ADGRB3: variants seen among roughly 807,000 people sequenced by gnomAD.
ADGRB3 encodes the protein brain-specific angiogenesis inhibitor 3.
A neutral mutation model predicts 193.4 loss-of-function variants in ADGRB3; 37 were observed. That is an observed-to-expected ratio of 0.19 (90% CI 0.15 to 0.25). The LOEUF is 0.25. Among genes scored for constraint, ADGRB3 ranks in the 10% least tolerant of loss-of-function variants. ADGRB3 has a pLI of 1.00. For synonymous variants in ADGRB3, 690 were observed against 644.2 expected, an observed-to-expected ratio of 1.07 and a Z score of -1.08; for missense variants, 1,637 against 1,852.9, an observed-to-expected ratio of 0.88 and a Z score of 2.14.
At chr6:69,176,625 G>T (rs891128736) in intron 17 of ADGRB3, among the ~76,000 whole-genome samples, 7 of 152,132 alleles carry the variant, frequency 4.6e-5, no homozygotes, top group Middle Eastern at 3.2e-3. Context: ...TGGTGTCAGG[G>T]TGATGCTGGC....
At chr6:69,123,816 A>G (rs1464295855) in intron 17 of ADGRB3, among the ~76,000 whole-genome samples, 1 of 151,758 alleles carries the variant, frequency 6.6e-6, no homozygotes, top group Non-Finnish European at 1.5e-5. Flanking sequence ...ATGTGACCAC[A>G]GAAGAGTGAT....
rs769081359 is a variant in ADGRB3 at position 68,936,536 on chromosome 6, G to T, written c.886G>T (p.Glu296Ter). 6.2e-7 allele frequency: 1 copy of T among 1,614,002 alleles called. No individual in the cohort carries two copies. The highest frequency in any genetic ancestry group is 1.1e-5 in the South Asian group (1 of 91,046). Residue 296 changes from glutamate (E) to a stop codon, truncating the protein, a stop_gained, in exon 5 of 32, where the codon GAG becomes TAG. Transcript: ENST00000370598. LOFTEE classifies it high-confidence loss of function. ...GCACGCAGGTGAATCTGGTGTGGAA[G>T]AGTGGTCCCAGTGGAGCACATGTTC... The part of the protein sequence containing the change: ...MAQTGESGVE[E>*]WSQWSTCSVT...
chr6:68,742,373 G>GT (rs1004450639), intron 3 of ADGRB3, among the ~76,000 whole-genome samples: 46 of 149,280 alleles, frequency 3.1e-4, no homozygotes, highest in East Asian at 3.9e-4. Flanking sequence ...AACTCTTATA[G>GT]TTTTTTTTTT....
At chr6:68,759,039 C>T (rs1056465938) in intron 3 of ADGRB3, among the ~76,000 whole-genome samples, 2 of 152,110 alleles carry the variant, frequency 1.3e-5, no homozygotes, top group Non-Finnish European at 2.9e-5. Flanking sequence ...CTCTAGAGGG[C>T]TTGAAAAGCC....
intron 3 of ADGRB3, among the ~76,000 whole-genome samples, chr6:68,740,628 G>C (rs1765961511): frequency 1.3e-5 from 2 of 152,076 alleles, no homozygotes; most frequent in South Asian, 4.1e-4. Context: ...CCTTGTATGG[G>C]CCACAATGTC....
At chr6:68,804,825 C>G (rs2127372714) in intron 3 of ADGRB3, among the ~76,000 whole-genome samples, 1 of 152,164 alleles carries the variant, frequency 6.6e-6, no homozygotes, top group East Asian at 1.9e-4. Flanking sequence ...TATATCAGAT[C>G]ATTCAAATTC....
chr6:68,800,389 T>C (rs1274719358), intron 3 of ADGRB3, among the ~76,000 whole-genome samples: 1 of 152,162 alleles, frequency 6.6e-6, no homozygotes, highest in East Asian at 1.9e-4. Context: ...CAGATGTGTG[T>C]TTGACTGTCT....
chr6:69,128,999 G>T (rs1430522527), intron 17 of ADGRB3, among the ~76,000 whole-genome samples: 1 of 152,090 alleles, frequency 6.6e-6, no homozygotes, highest in East Asian at 1.9e-4. Flanking sequence ...CATGTGGTAC[G>T]CATTTTAGTA....
At chr6:68,930,192 A>G (rs1767300376) in intron 3 of ADGRB3, among the ~76,000 whole-genome samples, 1 of 152,072 alleles carries the variant, frequency 6.6e-6, no homozygotes, top group African/African-American at 2.4e-5. Context: ...TGTTTAGCAA[A>G]GAAGCAGATG....
chr6:68,808,659 C>G (rs187116004), intron 3 of ADGRB3, among the ~76,000 whole-genome samples: 150 of 151,788 alleles, frequency 9.9e-4, no homozygotes, highest in Non-Finnish European at 1.9e-3. Flanking sequence ...AAATACTACA[C>G]AAGATAACTC....
intron 3 of ADGRB3, among the ~76,000 whole-genome samples, chr6:68,815,089 G>A (rs1767602990): frequency 6.6e-6 from 1 of 152,162 alleles, no homozygotes; most frequent in Non-Finnish European, 1.5e-5. Flanking sequence ...AGACAGGGAT[G>A]CCCTCTCTCA....
intron 20 of ADGRB3, among the ~76,000 whole-genome samples, chr6:69,258,989 G>A (rs918035386): frequency 1.3e-5 from 2 of 152,060 alleles, no homozygotes; most frequent in Non-Finnish European, 2.9e-5. Context: ...CTCCTGTGTT[G>A]GTCTATTCCA....
chr6:69,230,494 A>G (rs1443782613), intron 17 of ADGRB3, among the ~76,000 whole-genome samples: 1 of 152,198 alleles, frequency 6.6e-6, no homozygotes, highest in Non-Finnish European at 1.5e-5. Flanking sequence ...TCAATCAGAC[A>G]TGTGTACCAT....
intron 20 of ADGRB3, among the ~76,000 whole-genome samples, chr6:69,316,554 A>G (rs1191688204): frequency 6.6e-6 from 1 of 151,488 alleles, no homozygotes; most frequent in Non-Finnish European, 1.5e-5. Context: ...GTTATTGTAG[A>G]ATTTTAGATC....
chr6:68,782,341 A>G (rs1360922365), intron 3 of ADGRB3, among the ~76,000 whole-genome samples: 1 of 151,670 alleles, frequency 6.6e-6, no homozygotes. Context: ...CATGGTGTAT[A>G]TGTGCCACAT....
At chr6:68,901,638 TAAC>T (rs1205327927) in intron 3 of ADGRB3, among the ~76,000 whole-genome samples, 1 of 152,212 alleles carries the variant, frequency 6.6e-6, no homozygotes, top group Admixed American at 6.5e-5. Context: ...TGTATAATTT[TAAC>T]AACTTAAATG....
At chr6:68,875,068 CTTCT>C (rs991826878) in intron 3 of ADGRB3, among the ~76,000 whole-genome samples, 27 of 138,416 alleles carry the variant, frequency 2.0e-4, no homozygotes, top group African/African-American at 6.3e-4. Context: ...CCTTTCTTTC[CTTCT>C]TTCTTTCTTC....
rs114169644 is a variant in ADGRB3, at chr6:69,160,632, C to T, written c.2481-72658C>T. 7.0e-3 allele frequency among the ~76,000 whole-genome samples: 1,071 copies of T among 152,042 alleles called. 11 individuals are homozygous for T. The highest frequency in any genetic ancestry group is 0.024 in the African/African-American group (998 of 41,472). On this transcript the variant is annotated intron_variant, in intron 17 of 31. Coordinates refer to ENST00000370598, the MANE Select transcript of ADGRB3 (RefSeq NM_001704.3). ...TATTTTTCAATTATTTCTTTTCAGG[C>T]CTTTTCTTTCCCCAGCTAGAATGTA...
chr6:68,882,573 G>A (rs1765762070), intron 3 of ADGRB3, among the ~76,000 whole-genome samples: 1 of 152,074 alleles, frequency 6.6e-6, no homozygotes, highest in African/African-American at 2.4e-5. Flanking sequence ...CAGTGATAAT[G>A]TCCTATATAG....
Sources: allele counts gnomAD v4.1 joint callset (sites outside exome capture counted in the v4.1 genomes callset), GRCh38; gene constraint gnomAD v4.1.1; transcripts MANE v1.5; gene names NCBI Gene and HGNC (gene_info 2026-07-23, HGNC 2026-07-21).